Variants in MRPL45 observed in about 807,000 individuals in gnomAD.
MRPL45 encodes the protein mitochondrial ribosomal protein L45, also known as large ribosomal subunit protein mL45.
A neutral mutation model predicts 38.1 loss-of-function variants in MRPL45; 20 were observed. The ratio of observed to expected loss-of-function variants is 0.53; its 90% confidence interval spans 0.37 to 0.76. MRPL45 has a LOEUF of 0.76. Ranked by LOEUF, MRPL45 falls within the 30% of genes least tolerant of loss-of-function variation. MRPL45 has a pLI of 0.00. For synonymous variants in MRPL45, 105 were observed against 128.8 expected (o/e 0.82, Z 1.25); for missense variants, 337 against 395.6 (o/e 0.85, Z 1.26).
At chr17:38,304,993 C>G (rs1305612429) in intron 3 of MRPL45, among the ~76,000 whole-genome samples, 3 of 151,808 alleles carry the variant, frequency 2.0e-5, no homozygotes, top group African/African-American at 7.2e-5. Flanking sequence ...ACTACAGGCA[C>G]GTGCCATCAC....
In MRPL45 at chr17:38,322,764, G is replaced by T; in HGVS notation, c.*169G>T. ...AACCATGACTGATGACTGGGCCCTA[G>T]CAGGTGGCAGGTATAACATGGCCAT... On this transcript the variant is annotated 3_prime_UTR_variant, in exon 8 of 8. Transcript: ENST00000613675. 1 of 590,086 alleles carries T rather than the reference G, an allele frequency of 1.7e-6. No individual in the cohort carries two copies. Among genetic ancestry groups the T allele is most frequent in the Non-Finnish European group, 3.0e-6 (1 of 334,704 alleles). The allele number at this position is 590,086 out of a possible 1,614,324, so 36.6% of individuals were successfully genotyped here.
chr17:38,304,197 A>G lies in MRPL45; in HGVS notation c.363-2336A>G, dbSNP rs146715482. ...TAAAAGTACTGCTCAAAGTCTGGGC[A>G]TGGTGGGTCATGCCTGTAATCTCAA... On this transcript the variant is annotated intron_variant, in intron 3 of 7. Coordinates refer to ENST00000613675, the MANE Select transcript of MRPL45 (RefSeq NM_032351.6). Among the ~76,000 whole-genome samples, 214 of 151,764 alleles carry G rather than the reference A, an allele frequency of 1.4e-3. 2 individuals carry two copies. The highest frequency in any genetic ancestry group is 2.1e-3 in the Non-Finnish European group (145 of 67,982).
chr17:38,303,829 C>A (rs577296803), intron 3 of MRPL45, among the ~76,000 whole-genome samples: 1 of 150,704 alleles, frequency 6.6e-6, no homozygotes, highest in Non-Finnish European at 1.5e-5. Flanking sequence ...CGGGTTCAAG[C>A]GATTCTCCTG....
At position 38,299,316 on chromosome 17, in the gene MRPL45, A is replaced by C. The variant is rs760895455; in HGVS notation, c.245-35A>C. On this transcript the variant is annotated intron_variant, in intron 2 of 7. Transcript: ENST00000613675. The stretch of plus-strand genomic sequence containing the variant: ...TTTTATGAGTTTTTCTCAATCTTTC[A>C]ACACTTTCTTAATTTTTTTCTTCCT... The C allele has an allele frequency of 4.2e-6, 6 of 1,420,926 alleles. No homozygotes were observed. The East Asian group carries it at 1.4e-4, about 33-fold the overall frequency. 88.0% of individuals were successfully genotyped at this position (1,420,926 alleles called of 1,614,324 possible).
intron 3 of MRPL45, among the ~76,000 whole-genome samples, chr17:38,304,258 CAGG>C: frequency 6.6e-6 from 1 of 152,270 alleles, no homozygotes; most frequent in Admixed American, 6.5e-5. Context: ...ATCACTTGAG[CAGG>C]AGTTGAATAC....
At chr17:38,315,588 C>T (rs2037165559) in intron 4 of MRPL45, among the ~76,000 whole-genome samples, 1 of 151,898 alleles carries the variant, frequency 6.6e-6, no homozygotes, top group Non-Finnish European at 1.5e-5. Context: ...TTTCAAGATT[C>T]ATTCTTTGTG....
intron 3 of MRPL45, among the ~76,000 whole-genome samples, chr17:38,301,241 T>C (rs1461011941): frequency 1.3e-5 from 2 of 152,166 alleles, no homozygotes; most frequent in Non-Finnish European, 2.9e-5. Flanking sequence ...CCTCCTACTT[T>C]TTTTTTCTTC....
chr17:38,308,405 G>A (rs1188923776), intron 4 of MRPL45, among the ~76,000 whole-genome samples: 1 of 147,286 alleles, frequency 6.8e-6, no homozygotes, highest in Non-Finnish European at 1.5e-5. Context: ...ACTATGCTCA[G>A]CCTTGTTTTA....
chr17:38,308,438 TTTTG>T (rs1251594872), intron 4 of MRPL45, among the ~76,000 whole-genome samples: 1 of 150,502 alleles, frequency 6.6e-6, no homozygotes, highest in African/African-American at 2.5e-5. Flanking sequence ...TTGTTTTTTT[TTTTG>T]TTTGTTTGTT....
intron 4 of MRPL45, among the ~76,000 whole-genome samples, chr17:38,313,257 A>C (rs1038104917): frequency 3.4e-5 from 5 of 145,782 alleles, no homozygotes; most frequent in African/African-American, 1.3e-4. Flanking sequence ...TGCTGGGATT[A>C]CAGGCGTGAG....
At chr17:38,306,809 C>G in intron 4 of MRPL45, among the ~76,000 whole-genome samples, 178 bp downstream of exon 4, 1 of 152,278 alleles carries the variant, frequency 6.6e-6, no homozygotes, top group South Asian at 2.1e-4. Context: ...CGCTGTCTTT[C>G]ACTCCCCTCT....
intron 1 of MRPL45, 117 bp downstream of exon 1, chr17:38,297,366 C>T (rs1452705357): frequency 2.0e-6 from 2 of 1,001,102 alleles, no homozygotes; most frequent in East Asian, 2.5e-5. Context: ...CATACCTAGG[C>T]CGGGGAAGAG....
intron 4 of MRPL45, among the ~76,000 whole-genome samples, chr17:38,311,684 C>CAAA (rs756151374): frequency 4.3e-5 from 4 of 92,290 alleles, no homozygotes; most frequent in African/African-American, 1.5e-4. Context: ...GACTCCGTCT[C>CAAA]AAAAAAAAAA....
At chr17:38,314,355 C>T (rs1443718802) in intron 4 of MRPL45, among the ~76,000 whole-genome samples, 11 of 152,320 alleles carry the variant, frequency 7.2e-5, no homozygotes, top group Admixed American at 6.5e-4. Context: ...CCACCTGCCT[C>T]GGCCTCCCAA....
At chr17:38,320,825 C>T (rs961829083) in intron 6 of MRPL45, 58 bp downstream of exon 6, 40 of 1,562,830 alleles carry the variant, frequency 2.6e-5, no homozygotes, top group Non-Finnish European at 4.4e-6. Flanking sequence ...TTGGGCACCT[C>T]CCTCTGGAGT....
chr17:38,318,762 T>G (rs2037199247), intron 5 of MRPL45, 27 bp downstream of exon 5: 1 of 1,543,392 alleles, frequency 6.5e-7, no homozygotes, highest in Non-Finnish European at 8.9e-7. Context: ...CTTAGAACTG[T>G]GGGGTGACTG....
At chr17:38,299,050 C>T (rs557915416) in intron 2 of MRPL45, among the ~76,000 whole-genome samples, 13 of 150,162 alleles carry the variant, frequency 8.7e-5, no homozygotes, top group South Asian at 4.2e-4. Context: ...CCACCATGCC[C>T]GGCTAATTTT....
At position 38,318,659 on chromosome 17, in the gene MRPL45, C is replaced by G. The variant is rs752557695; in HGVS notation, c.462-28C>G. 5 of 1,533,474 alleles carry G rather than the reference C, an allele frequency of 3.3e-6. No homozygotes were observed. The South Asian group carries it at 5.6e-5, about 17-fold the overall frequency. 95.0% of individuals were successfully genotyped at this position (1,533,474 alleles called of 1,614,324 possible). A position where few individuals can be genotyped will look rare whatever the true frequency, so the allele number is the denominator to read the frequency against. ...TACAGGGTATTATAAGAGCAATAGT[C>G]AATGATATTTATTGCTTTCTTTTCT... On this transcript the variant is annotated intron_variant, in intron 4 of 7. Coordinates refer to ENST00000613675, the MANE Select transcript of MRPL45 (RefSeq NM_032351.6).
chr17:38,313,368 G>GTA (rs1183363484), intron 4 of MRPL45, among the ~76,000 whole-genome samples: 10 of 17,052 alleles, frequency 5.9e-4, no homozygotes, highest in South Asian at 2.3e-3. Flanking sequence ...ATATATATAC[G>GTA]TATATATATA....
Sources: gnomAD v4.1 joint callset for allele counts (sites outside exome capture counted in the v4.1 genomes callset) on GRCh38, gnomAD v4.1.1 for gene constraint, MANE v1.5 for transcripts, NCBI Gene and HGNC (gene_info 2026-07-23, HGNC 2026-07-21) for gene names.